TTC28: variants seen among roughly 807,000 people sequenced by gnomAD.
TTC28 encodes the protein tetratricopeptide repeat protein 28.
In TTC28, 61 loss-of-function variants were observed where a neutral mutation model predicts 198.0. That is an observed-to-expected ratio of 0.31 (90% CI 0.25 to 0.38). The LOEUF (loss-of-function observed/expected upper bound fraction) is 0.38. Ranked by LOEUF, TTC28 falls within the 10% of genes least tolerant of loss-of-function variation. The probability of loss-of-function intolerance (pLI) is 1.00; values close to 1 mark genes in which losing one functional copy is unlikely to be tolerated. For synonymous variants in TTC28, 1,171 were observed against 1,297.8 expected (o/e 0.90, Z 2.10); for missense variants, 2,678 against 3,164.0 (o/e 0.85, Z 3.69).
chr22:28,571,248 A>G (rs923395134), intron 2 of TTC28, among the ~76,000 whole-genome samples: 2 of 152,158 alleles, frequency 1.3e-5, no homozygotes, highest in African/African-American at 4.8e-5. Flanking sequence ...ACCCGACTAA[A>G]TTTTCTACAT....
chr22:28,352,937 G>A (rs2046021761), intron 2 of TTC28, among the ~76,000 whole-genome samples: 1 of 152,040 alleles, frequency 6.6e-6, no homozygotes, highest in Admixed American at 6.6e-5. Flanking sequence ...AAATAACAAG[G>A]CAGATTTGAA....
At chr22:28,237,930 C>T (rs752153520) in intron 5 of TTC28, among the ~76,000 whole-genome samples, 2 of 152,114 alleles carry the variant, frequency 1.3e-5, no homozygotes, top group South Asian at 2.1e-4. Context: ...ATCATCCCAT[C>T]GTTCTCTGGC....
chr22:28,450,378 C>T (rs1204300716), intron 2 of TTC28, among the ~76,000 whole-genome samples: 1 of 152,126 alleles, frequency 6.6e-6, no homozygotes, highest in African/African-American at 2.4e-5. Context: ...GCCAATAATG[C>T]CTGGTTCAAA....
At chr22:28,126,016 T>C (rs924550481) in intron 6 of TTC28, among the ~76,000 whole-genome samples, 5 of 152,248 alleles carry the variant, frequency 3.3e-5, no homozygotes, top group Non-Finnish European at 5.9e-5. Flanking sequence ...GTCACTGTAT[T>C]CTCTATTACT....
chr22:28,299,871 C>T (rs2044982468), intron 3 of TTC28, among the ~76,000 whole-genome samples: 3 of 152,154 alleles, frequency 2.0e-5, no homozygotes, highest in African/African-American at 7.2e-5. Flanking sequence ...TTCTTAGTTG[C>T]TAGCAACATA....
At chr22:28,446,854 A>G (rs2047710752) in intron 2 of TTC28, among the ~76,000 whole-genome samples, 1 of 152,252 alleles carries the variant, frequency 6.6e-6, no homozygotes, top group Non-Finnish European at 1.5e-5. Context: ...CATTGAAGCT[A>G]TAAACAGTAG....
chr22:28,193,581 G>C (rs1223210120), intron 5 of TTC28, among the ~76,000 whole-genome samples: 2 of 152,122 alleles, frequency 1.3e-5, no homozygotes, highest in East Asian at 3.9e-4. Flanking sequence ...AAAATAAAGG[G>C]ATGGAGGAAG....
intron 2 of TTC28, among the ~76,000 whole-genome samples, chr22:28,361,153 A>G (rs1162674455): frequency 6.6e-6 from 1 of 152,210 alleles, no homozygotes; most frequent in Non-Finnish European, 1.5e-5. Flanking sequence ...AGAGTTGCAC[A>G]TCTCTCACTT....
At chr22:28,276,511 A>G (rs74386431) in intron 5 of TTC28, among the ~76,000 whole-genome samples, 2,684 of 152,268 alleles carry the variant, frequency 0.018, 29 homozygotes, top group Non-Finnish European at 0.027. Context: ...ACTGCCAAAT[A>G]TATACAGTAA....
intron 5 of TTC28, among the ~76,000 whole-genome samples, chr22:28,185,075 C>T (rs990871829): frequency 6.6e-5 from 10 of 152,140 alleles, no homozygotes; most frequent in Admixed American, 3.9e-4. Context: ...AAAGTCCATC[C>T]GTCCAAAGTA....
chr22:28,372,264 C>A (rs977930731), intron 2 of TTC28, among the ~76,000 whole-genome samples: 2 of 152,144 alleles, frequency 1.3e-5, no homozygotes, highest in Non-Finnish European at 2.9e-5. Flanking sequence ...AGAGGTAGTA[C>A]CCATCCCATG....
intron 2 of TTC28, among the ~76,000 whole-genome samples, chr22:28,623,195 T>A (rs980495838): frequency 2.0e-5 from 3 of 152,068 alleles, no homozygotes; most frequent in Non-Finnish European, 4.4e-5. Context: ...CAAAGAATCC[T>A]CCTGCCTCAG....
intron 2 of TTC28, among the ~76,000 whole-genome samples, chr22:28,610,007 C>T (rs532795862): frequency 4.0e-4 from 61 of 152,312 alleles, no homozygotes; most frequent in African/African-American, 1.4e-3. Flanking sequence ...CACAGCTCAG[C>T]AAGGCCACTG....
intron 1 of TTC28, among the ~76,000 whole-genome samples, chr22:28,651,538 C>T (rs2051564127): frequency 6.6e-6 from 1 of 152,174 alleles, no homozygotes; most frequent in Non-Finnish European, 1.5e-5. Flanking sequence ...GCCTCAGCCT[C>T]CCATGTAACT....
At position 27,999,145 on chromosome 22, in the gene TTC28, G is replaced by A. The variant is rs1216135941; in HGVS notation, c.4514C>T (p.Pro1505Leu). 1.3e-6 allele frequency: 2 copies of A among 1,550,634 alleles called. No individual in the cohort carries two copies. The highest frequency in any genetic ancestry group is 2.4e-5 in the East Asian group (1 of 40,916). The change falls in exon 16 of 23, where the codon CCA becomes CTA. Residue 1505 changes from proline to leucine, a missense_variant. This residue lies in a region of TTC28 where 727 missense variants were observed against 861.9 expected (regional missense o/e 0.84). Coordinates refer to ENST00000397906, the MANE Select transcript of TTC28 (RefSeq NM_001145418.2). ...CATGTAGGCCTCTTCCTCGGCCGAT[G>A]GCATGGGCCCCCACAGCCACCTGTC... ...VMDRWLWGPM[P>L]SAEEEAYMVS...
At chr22:28,576,177 T>C (rs1206233937) in intron 2 of TTC28, among the ~76,000 whole-genome samples, 1 of 152,030 alleles carries the variant, frequency 6.6e-6, no homozygotes, top group African/African-American at 2.4e-5. Flanking sequence ...TGCCCAGTTT[T>C]TTTTTTTAGT....
intron 20 of TTC28, 144 bp downstream of exon 20, chr22:27,990,645 T>G: frequency 1.4e-6 from 1 of 691,828 alleles, no homozygotes. Context: ...CCAGCAGCAG[T>G]GCGCACCCGC....
At chr22:28,609,699 C>A (rs2050787808) in intron 2 of TTC28, among the ~76,000 whole-genome samples, 1 of 149,860 alleles carries the variant, frequency 6.7e-6, no homozygotes, top group African/African-American at 2.5e-5. Flanking sequence ...TTTTTTTTTT[C>A]CATATCCCAG....
chr22:28,460,899 G>A (rs758798947), intron 2 of TTC28, among the ~76,000 whole-genome samples: 1 of 152,052 alleles, frequency 6.6e-6, no homozygotes, highest in Non-Finnish European at 1.5e-5. Context: ...GCCCAGGCTG[G>A]TCTCAAACTC....
Sources: gnomAD v4.1 joint callset for allele counts (sites outside exome capture counted in the v4.1 genomes callset) on GRCh38, gnomAD v4.1.1 for gene constraint, gnomAD v4.1.1 regional missense constraint, MANE v1.5 for transcripts, NCBI Gene and HGNC (gene_info 2026-07-23, HGNC 2026-07-21) for gene names.